The following EDN1 variants were observed in gnomAD, a reference collection of about 807,000 sequenced individuals.
EDN1 encodes endothelin 1.
Under a neutral mutation model 21.7 loss-of-function variants are expected in EDN1, and 11 were observed. The observed-to-expected ratio is 0.51, with a 90% CI of 0.32 to 0.84. The LOEUF is 0.84. EDN1 is among the 40% of genes least tolerant of loss of function. The probability of loss-of-function intolerance (pLI) is 0.03; values close to 1 mark genes in which losing one functional copy is unlikely to be tolerated. For synonymous variants in EDN1, 85 were observed against 90.6 expected, an observed-to-expected ratio of 0.94 and a Z score of 0.35; for missense variants, 244 against 262.3, an observed-to-expected ratio of 0.93 and a Z score of 0.48.
At chr6:12,244,456 G>A in the EDN1 span, among the ~76,000 whole-genome samples, 1 of 152,216 alleles carries the variant, frequency 6.6e-6, no homozygotes, top group Non-Finnish European at 1.5e-5. Context: ...AAAATTCAAA[G>A]TTTTGCTTGA....
the EDN1 span, among the ~76,000 whole-genome samples, chr6:12,254,995 G>T: frequency 4.6e-5 from 7 of 152,106 alleles, no homozygotes; most frequent in Non-Finnish European, 1.0e-4. Flanking sequence ...TCAAAAAATG[G>T]ATACTAACCT....
chr6:12,254,979 A>G, the EDN1 span, among the ~76,000 whole-genome samples: 1 of 152,204 alleles, frequency 6.6e-6, no homozygotes, highest in Non-Finnish European at 1.5e-5. Flanking sequence ...GTACTCAATA[A>G]TTACTTCAAA....
chr6:12,260,587 T>C, the EDN1 span, among the ~76,000 whole-genome samples: 278 of 152,330 alleles, frequency 1.8e-3, 1 homozygote, highest in African/African-American at 6.3e-3. Context: ...CATGTAATTA[T>C]ATCACTTTCA....
At chr6:12,283,293 A>T in the EDN1 span, among the ~76,000 whole-genome samples, 4 of 152,212 alleles carry the variant, frequency 2.6e-5, no homozygotes, top group African/African-American at 9.6e-5. Flanking sequence ...TTACTAAATT[A>T]GAGTTTGAGG....
the EDN1 span, among the ~76,000 whole-genome samples, chr6:12,230,683 G>A: frequency 1.3e-5 from 2 of 152,144 alleles, no homozygotes; most frequent in African/African-American, 2.4e-5. Context: ...AGGTAGGAAC[G>A]TGTGGGTTGG....
At chr6:12,277,211 A>G in the EDN1 span, among the ~76,000 whole-genome samples, 1 of 152,224 alleles carries the variant, frequency 6.6e-6, no homozygotes, top group Non-Finnish European at 1.5e-5. Flanking sequence ...GAGCAATCCA[A>G]TGAGTGGAAA....
the EDN1 span, among the ~76,000 whole-genome samples, chr6:12,239,564 T>G: frequency 4.7e-4 from 72 of 152,168 alleles, no homozygotes; most frequent in Admixed American, 5.9e-4. Flanking sequence ...ATATGATGGC[T>G]TAAGCTAGAA....
At chr6:12,276,307 C>T in the EDN1 span, among the ~76,000 whole-genome samples, 11 of 151,836 alleles carry the variant, frequency 7.2e-5, no homozygotes, top group Non-Finnish European at 1.0e-4. Context: ...GAGAAAGGAA[C>T]GATGTGACTG....
At chr6:12,279,161 T>C in the EDN1 span, among the ~76,000 whole-genome samples, 20 of 152,202 alleles carry the variant, frequency 1.3e-4, no homozygotes, top group Admixed American at 5.9e-4. Context: ...TTTACTTGTT[T>C]GGCAGTCTCT....
the EDN1 span, among the ~76,000 whole-genome samples, chr6:12,265,451 C>T: frequency 6.6e-6 from 1 of 152,140 alleles, no homozygotes; most frequent in South Asian, 2.1e-4. Flanking sequence ...CTAGTGTCCT[C>T]ATAATAAGAG....
the EDN1 span, among the ~76,000 whole-genome samples, chr6:12,273,553 A>G: frequency 6.6e-6 from 1 of 152,092 alleles, no homozygotes; most frequent in Non-Finnish European, 1.5e-5. Context: ...TTTCCTTTTA[A>G]AAGGATATAT....
chr6:12,236,985 C>T, the EDN1 span, among the ~76,000 whole-genome samples: 2 of 132,864 alleles, frequency 1.5e-5, no homozygotes, highest in South Asian at 2.8e-4. Flanking sequence ...CTCCCCCCAC[C>T]CCACATCAGG....
chr6:12,295,692 C>G (rs556064944), intron 4 of EDN1, among the ~76,000 whole-genome samples: 40 of 152,198 alleles, frequency 2.6e-4, no homozygotes, highest in South Asian at 6.2e-4. Context: ...CAGAACAACT[C>G]TAGTTTATTT....
the EDN1 span, among the ~76,000 whole-genome samples, chr6:12,280,475 AT>A: frequency 6.6e-6 from 1 of 152,212 alleles, no homozygotes; most frequent in African/African-American, 2.4e-5. Context: ...ACACATTTTC[AT>A]AAATTAGAAA....
the EDN1 span, among the ~76,000 whole-genome samples, chr6:12,240,490 C>T: frequency 6.6e-6 from 1 of 152,058 alleles, no homozygotes; most frequent in East Asian, 1.9e-4. Flanking sequence ...TTGTCCTGTT[C>T]TTATTGGACT....
At chr6:12,292,534 C>A (rs762367157) in intron 2 of EDN1, 25 bp downstream of exon 2, 11 of 1,613,882 alleles carry the variant, frequency 6.8e-6, no homozygotes, top group Middle Eastern at 3.3e-4. Context: ...GGCATTGTAA[C>A]CCTAGTCATT....
intron 1 of EDN1, 29 bp downstream of exon 1, chr6:12,290,722 C>G (rs761743966): frequency 1.0e-5 from 16 of 1,588,138 alleles, no homozygotes; most frequent in Non-Finnish European, 1.2e-5. Flanking sequence ...TTGTAAGTCT[C>G]GGAATTACAA....
chr6:12,240,320 A>G, the EDN1 span, among the ~76,000 whole-genome samples: 10 of 152,152 alleles, frequency 6.6e-5, no homozygotes, highest in African/African-American at 2.4e-4. Flanking sequence ...GTGAATGAAG[A>G]AGTTTTGCCC....
rs906397610 is a variant in EDN1, at chr6:12,290,489, C to T, written c.-141C>T. 4 of 633,994 alleles carry T rather than the reference C, an allele frequency of 6.3e-6. No individual in the cohort carries two copies. Among genetic ancestry groups the T allele is most frequent in the African/African-American group, 3.6e-5 (1 of 27,950 alleles). 39.3% of individuals were successfully genotyped at this position (633,994 alleles called of 1,614,324 possible). On this transcript the variant is annotated 5_prime_UTR_variant, in exon 1 of 5. Transcript: ENST00000379375. ...TCTCCTGGCAGGCGCTGCCTTTTCT[C>T]CCCGTTAAAAGGGCACTTGGGCTGA...
Sources: gnomAD v4.1 joint callset for allele counts (sites outside exome capture counted in the v4.1 genomes callset) on GRCh38, gnomAD v4.1.1 for gene constraint, MANE v1.5 for transcripts, NCBI Gene and HGNC (gene_info 2026-07-23, HGNC 2026-07-21) for gene names.